Variants in MEF2C observed in about 807,000 individuals in gnomAD.
MEF2C encodes the protein myocyte enhancer factor 2C.
A neutral mutation model predicts 50.5 loss-of-function variants in MEF2C; 6 were observed. The observed-to-expected ratio is 0.12, with a 90% CI of 0.07 to 0.23. The LOEUF is 0.23. Ranked by LOEUF, MEF2C falls within the 10% of genes least tolerant of loss-of-function variation. The pLI is 1.00. For synonymous variants in MEF2C, 183 were observed against 228.0 expected (o/e 0.80, Z 1.78); for missense variants, 276 against 605.0 (o/e 0.46, Z 5.70).
At chr5:88,786,846 T>G (rs1791169754) in intron 3 of MEF2C, among the ~76,000 whole-genome samples, 1 of 152,230 alleles carries the variant, frequency 6.6e-6, no homozygotes, top group Non-Finnish European at 1.5e-5. Flanking sequence ...TCATCTGAAA[T>G]CTACAGTAAG....
chr5:88,866,772 GA>G (rs1225186063), intron 1 of MEF2C, among the ~76,000 whole-genome samples: 4 of 152,064 alleles, frequency 2.6e-5, no homozygotes, highest in Admixed American at 6.6e-5. Context: ...TAACTACAAA[GA>G]AAAAGTTTAA....
At chr5:88,807,347 C>T (rs768129086) in intron 2 of MEF2C, among the ~76,000 whole-genome samples, 6 of 152,120 alleles carry the variant, frequency 3.9e-5, no homozygotes, top group East Asian at 1.9e-4. Flanking sequence ...CCTCAACCTC[C>T]GGAGTAGCTG....
At chr5:88,797,003 T>G (rs561557357) in intron 3 of MEF2C, among the ~76,000 whole-genome samples, 5 of 152,356 alleles carry the variant, frequency 3.3e-5, no homozygotes, top group Admixed American at 6.5e-5. Context: ...TTGTTATGAT[T>G]TGCATTCTTT....
intron 3 of MEF2C, among the ~76,000 whole-genome samples, chr5:88,792,766 T>A (rs1179915427): frequency 6.6e-6 from 1 of 152,214 alleles, no homozygotes; most frequent in East Asian, 1.9e-4. Context: ...ATGAGCCTAT[T>A]GGCTACTATA....
At chr5:88,876,455 A>T (rs1206494317) in intron 1 of MEF2C, among the ~76,000 whole-genome samples, 1 of 152,054 alleles carries the variant, frequency 6.6e-6, no homozygotes, top group African/African-American at 2.4e-5. Flanking sequence ...ACATTAAGCA[A>T]TAATGCCAGT....
chr5:88,775,576 TTA>T (rs1184554709), intron 3 of MEF2C, among the ~76,000 whole-genome samples: 2 of 152,232 alleles, frequency 1.3e-5, no homozygotes, highest in Non-Finnish European at 2.9e-5. Context: ...TTTTCAAAAT[TTA>T]TGTTTCCAAA....
chr5:88,806,229 T>A (rs1581009727), intron 2 of MEF2C, among the ~76,000 whole-genome samples: 1 of 152,294 alleles, frequency 6.6e-6, no homozygotes, highest in South Asian at 2.1e-4. Context: ...ACTTTTTTCA[T>A]ACCTTCAAAT....
At chr5:88,783,389 G>T (rs889287401) in intron 3 of MEF2C, among the ~76,000 whole-genome samples, 2 of 152,178 alleles carry the variant, frequency 1.3e-5, no homozygotes, top group African/African-American at 4.8e-5. Context: ...AGCACTTTGG[G>T]AGGCCGAGGC....
Position 88,752,054 on chromosome 5 carries a change from A to G in MEF2C, c.403-11T>C. ...GGGAGGTGGAACAGCCTGCAGGAACAGAAAACAAAACAAAGGTAAAAGAAA... is the reference window on the plus strand; with the variant it reads ...GGGAGGTGGAACAGCCTGCAGGAACGGAAAACAAAACAAAGGTAAAAGAAA... On this transcript the variant is annotated splice_polypyrimidine_tract_variant and intron_variant, in intron 4 of 10. Coordinates refer to ENST00000504921, the MANE Select transcript of MEF2C (RefSeq NM_002397.5). The G allele has an allele frequency of 6.3e-7, 1 of 1,591,372 alleles. No individual in the cohort carries two copies. The highest frequency in any genetic ancestry group is 8.6e-7 in the Non-Finnish European group (1 of 1,167,946).
At chr5:88,871,163 G>T (rs960206152) in intron 1 of MEF2C, among the ~76,000 whole-genome samples, 1 of 151,968 alleles carries the variant, frequency 6.6e-6, no homozygotes, top group Non-Finnish European at 1.5e-5. Context: ...TGAAGATGAA[G>T]TTGTTTAATA....
chr5:88,889,345 C>T (rs926575819), intron 1 of MEF2C: 6 of 152,248 alleles, frequency 3.9e-5, no homozygotes, highest in African/African-American at 7.2e-5. Flanking sequence ...CTGCTCTCAT[C>T]ACCTATATAC....
intron 1 of MEF2C, among the ~76,000 whole-genome samples, chr5:88,834,370 A>G (rs1814233663): frequency 2.6e-5 from 4 of 152,188 alleles, no homozygotes; most frequent in Admixed American, 2.0e-4. Flanking sequence ...AGCCAAAATC[A>G]TGATGCTTAA....
At chr5:88,733,326 T>C (rs1304671324) in intron 6 of MEF2C, 2 of 985,184 alleles carry the variant, frequency 2.0e-6, no homozygotes, top group Admixed American at 1.2e-4. Context: ...GAGAGGGGTG[T>C]CAGAGGCTCT....
intron 4 of MEF2C, among the ~76,000 whole-genome samples, chr5:88,755,415 A>G (rs1173574677): frequency 1.3e-5 from 2 of 152,206 alleles, no homozygotes; most frequent in African/African-American, 4.8e-5. Context: ...ACCAAACACT[A>G]TGCAACACAG....
intron 1 of MEF2C, among the ~76,000 whole-genome samples, chr5:88,834,651 T>C (rs1382948146): frequency 1.3e-5 from 2 of 152,082 alleles, no homozygotes; most frequent in African/African-American, 4.8e-5. Flanking sequence ...GGCTGATTTA[T>C]AGGGAGGGGT....
chr5:88,741,231 A>G, intron 6 of MEF2C: 1 of 985,398 alleles, frequency 1.0e-6, no homozygotes, highest in Non-Finnish European at 1.2e-6. Context: ...AAACATTATA[A>G]CCAGAAAGGC....
chr5:88,737,070 T>C (rs1394740681), intron 6 of MEF2C: 2 of 984,714 alleles, frequency 2.0e-6, no homozygotes, highest in Admixed American at 6.2e-5. Flanking sequence ...AATAGATATA[T>C]AGAATATGCT....
At chr5:88,737,138 G>C (rs1764463262) in intron 6 of MEF2C, 1 of 985,252 alleles carries the variant, frequency 1.0e-6, no homozygotes, top group South Asian at 4.7e-5. Flanking sequence ...GAGGGACAAT[G>C]AGGTGAGAAC....
intron 10 of MEF2C, among the ~76,000 whole-genome samples, chr5:88,726,951 G>C (rs1395365842): frequency 6.6e-6 from 1 of 151,912 alleles, no homozygotes; most frequent in East Asian, 1.9e-4. Flanking sequence ...TAACTTTTAG[G>C]GAAATCTAGC....
Sources: allele counts gnomAD v4.1 joint callset (sites outside exome capture counted in the v4.1 genomes callset), GRCh38; gene constraint gnomAD v4.1.1; transcripts MANE v1.5; gene names NCBI Gene and HGNC (gene_info 2026-07-23, HGNC 2026-07-21).